UBE2W: variants seen among roughly 807,000 people sequenced by gnomAD.
UBE2W encodes the protein ubiquitin-conjugating enzyme E2 W.
Under a neutral mutation model 27.2 loss-of-function variants are expected in UBE2W, and 18 were observed. The ratio of observed to expected loss-of-function variants is 0.66; its 90% CI spans 0.46 to 0.98. The LOEUF (loss-of-function observed/expected upper bound fraction) is 0.98. Among genes scored for constraint, UBE2W ranks in the 50% least tolerant of loss-of-function variants. The probability of loss-of-function intolerance (pLI) is 0.00; values close to 1 mark genes in which losing one functional copy is unlikely to be tolerated. For missense variants in UBE2W, 90 were observed against 180.2 expected (o/e 0.50, Z 2.87); for synonymous variants, 53 against 57.2 (o/e 0.93, Z 0.33).
chr8:73,814,852 A>C (rs1449190643), intron 3 of UBE2W, among the ~76,000 whole-genome samples: 1 of 152,212 alleles, frequency 6.6e-6, no homozygotes. Context: ...CTACCTTTCC[A>C]AACATCTCCC....
Position 73,787,141 on chromosome 8 carries a change from T to C in UBE2W, c.*6961A>G, listed in dbSNP as rs1341829501. The C allele has an allele frequency of 2.0e-6, 2 of 985,326 alleles. No homozygotes were observed. Among genetic ancestry groups the C allele is most frequent in the Non-Finnish European group, 2.4e-6 (2 of 829,938 alleles). 61.0% of individuals were successfully genotyped at this position (985,326 alleles called of 1,614,324 possible). ...GTATTTTGCATTATGCAGGCAAACA[T>C]TAAAAATAAATCTTACAGGCAACTA... On this transcript the variant is annotated 3_prime_UTR_variant, in exon 6 of 6. Coordinates refer to ENST00000602593, the MANE Select transcript of UBE2W (RefSeq NM_018299.6).
At chr8:73,848,748 A>G (rs60605221) in intron 1 of UBE2W, among the ~76,000 whole-genome samples, 5,192 of 152,282 alleles carry the variant, frequency 0.034, 261 homozygotes, top group African/African-American at 0.11. Flanking sequence ...GGGAGGAAGT[A>G]GTGCTTAGGA....
chr8:73,861,637 C>T (rs1383784894), intron 1 of UBE2W, among the ~76,000 whole-genome samples: 1 of 152,068 alleles, frequency 6.6e-6, no homozygotes, highest in Non-Finnish European at 1.5e-5. Context: ...GATTTTTATG[C>T]ATATTCAACT....
intron 1 of UBE2W, among the ~76,000 whole-genome samples, chr8:73,864,165 A>C (rs981783039): frequency 1.3e-5 from 2 of 152,220 alleles, no homozygotes; most frequent in African/African-American, 4.8e-5. Context: ...AGGCTGAGAC[A>C]GGCAGATTGC....
chr8:73,867,765 C>T (rs535766261), intron 1 of UBE2W, among the ~76,000 whole-genome samples: 3 of 151,308 alleles, frequency 2.0e-5, no homozygotes, highest in East Asian at 3.9e-4. Flanking sequence ...GATATTTCTC[C>T]ACCGAAATAC....
intron 3 of UBE2W, among the ~76,000 whole-genome samples, chr8:73,814,286 A>G (rs918013012): frequency 3.3e-5 from 5 of 152,206 alleles, no homozygotes; most frequent in Non-Finnish European, 5.9e-5. Flanking sequence ...ACTGACTAGA[A>G]CCGATGTGAC....
intron 4 of UBE2W, among the ~76,000 whole-genome samples, chr8:73,806,905 T>G (rs1808931648): frequency 6.6e-6 from 1 of 152,218 alleles, no homozygotes; most frequent in African/African-American, 2.4e-5. Flanking sequence ...TTGGCCTTTC[T>G]GCTGAACATA....
intron 5 of UBE2W, among the ~76,000 whole-genome samples, 198 bp downstream of exon 5, chr8:73,805,453 T>TCAAAAAAAAAAAAACAAA (rs1563577788): frequency 0.028 from 20 of 708 alleles, no homozygotes; most frequent in Admixed American, 0.062. Flanking sequence ...AAACTCCATC[T>TCAAAAAAAAAAAAACAAA]CAAAAAAAAA....
intron 3 of UBE2W, among the ~76,000 whole-genome samples, chr8:73,820,952 C>A (rs562543875): frequency 1.3e-5 from 2 of 152,004 alleles, no homozygotes; most frequent in South Asian, 4.2e-4. Flanking sequence ...GTCTCCGCAC[C>A]CCCACCCCAC....
In UBE2W at chr8:73,840,336, A is replaced by G. The variant is rs538430496; in HGVS notation, c.16-9864T>C. Among the ~76,000 whole-genome samples, 7 of 152,324 alleles carry G rather than the reference A, an allele frequency of 4.6e-5. No homozygotes were observed. In the East Asian group the frequency reaches 1.4e-3, roughly 29 times the overall value. On this transcript the variant is annotated intron_variant, in intron 1 of 5. Transcript: ENST00000602593. ...CTCCCAAAGGGCTGGGATTACAAGC[A>G]TGAGACACCACATCCAGCCAAAGCT...
chr8:73,789,753 G>A lies in UBE2W; in HGVS notation c.*4349C>T, dbSNP rs1462217594. The A allele has an allele frequency of 1.4e-5, 4 of 293,700 alleles. No individual in the cohort carries two copies. Among genetic ancestry groups the A allele is most frequent in the South Asian group, 1.3e-4 (1 of 7,532 alleles). The allele number at this position is 293,700 out of a possible 1,614,324, so 18.2% of individuals were successfully genotyped here. A position where few individuals can be genotyped will look rare whatever the true frequency, so the allele number is the denominator to read the frequency against. On this transcript the variant is annotated 3_prime_UTR_variant, in exon 6 of 6. Transcript: ENST00000602593. The stretch of plus-strand genomic sequence containing the variant: ...CTCAAGAGGCTGAGGCAGGAGAATC[G>A]CTTAGACCCAGGAGGTGGAGATTGA...
Position 73,780,484 on chromosome 8 carries a change from T to C in UBE2W, c.464A>G (p.Asp155Gly), listed in dbSNP as rs1216039857. 5 of 452,524 alleles carry C rather than the reference T, an allele frequency of 1.1e-5. No homozygotes were observed. In the Admixed American group the frequency reaches 1.2e-4, roughly 11 times the overall value. 28.0% of individuals were successfully genotyped at this position (452,524 alleles called of 1,614,324 possible). Residue 155 changes from aspartate (D) to glycine (G), a missense_variant, in exon 5 of 5, where the codon GAT (aspartate) becomes GGT (glycine). Transcript: ENST00000523278. ...CATCTTATTGGAGGACATGATTCAA[T>C]CCGTAATAGATAGTATGAAGGCAGA...
intron 1 of UBE2W, among the ~76,000 whole-genome samples, chr8:73,849,811 TTCAGAG>T (rs1187069901): frequency 1.3e-5 from 2 of 151,988 alleles, no homozygotes; most frequent in African/African-American, 4.8e-5. Flanking sequence ...TACAGAATGG[TTCAGAG>T]TCAAAGGATA....
intron 3 of UBE2W, among the ~76,000 whole-genome samples, chr8:73,818,626 C>T (rs1381190283): frequency 6.6e-6 from 1 of 152,206 alleles, no homozygotes; most frequent in Non-Finnish European, 1.5e-5. Context: ...CTCCAAATCT[C>T]ATGTTGAAAT....
intron 1 of UBE2W, among the ~76,000 whole-genome samples, chr8:73,866,288 AAAATATATATATATAT>A (rs1394788580): frequency 3.7e-5 from 3 of 80,344 alleles, no homozygotes; most frequent in Non-Finnish European, 7.3e-5. Context: ...AAAAAAAAAA[AAAATATATATATATAT>A]ATATATATAT....
chr8:73,873,123 G>C (rs1812075235), intron 1 of UBE2W, among the ~76,000 whole-genome samples: 1 of 151,980 alleles, frequency 6.6e-6, no homozygotes, highest in South Asian at 2.1e-4. Context: ...TGGCCGGGCT[G>C]GTCTCGATCT....
intron 5 of UBE2W, among the ~76,000 whole-genome samples, chr8:73,794,538 G>A (rs1808333279): frequency 6.6e-6 from 1 of 152,190 alleles, no homozygotes; most frequent in Non-Finnish European, 1.5e-5. Context: ...TGTGAAGGAA[G>A]TAACTGTTCT....
intron 1 of UBE2W, among the ~76,000 whole-genome samples, chr8:73,844,151 C>T (rs1810661713): frequency 1.0e-5 from 1 of 97,894 alleles, no homozygotes; most frequent in South Asian, 4.1e-4. Flanking sequence ...TTAAAAAGAG[C>T]TAATTCCCCT....
intron 1 of UBE2W, among the ~76,000 whole-genome samples, chr8:73,865,232 T>C (rs1811705186): frequency 7.2e-6 from 1 of 138,666 alleles, no homozygotes; most frequent in Admixed American, 7.2e-5. Flanking sequence ...AATTTTAGGG[T>C]TACAAACAAA....
Sources: allele counts gnomAD v4.1 joint callset (sites outside exome capture counted in the v4.1 genomes callset), GRCh38; gene constraint gnomAD v4.1.1; transcripts MANE v1.5; gene names NCBI Gene and HGNC (gene_info 2026-07-23, HGNC 2026-07-21).